The following CDIN1 variants were observed in gnomAD, a reference collection of about 807,000 sequenced individuals.
The protein encoded by CDIN1 is CDAN1 interacting nuclease 1, also known as CDAN1-interacting nuclease 1.
In CDIN1, 33 loss-of-function variants were observed where a neutral mutation model predicts 45.3. That is an observed-to-expected ratio of 0.73 (90% confidence interval 0.55 to 0.97). The LOEUF (loss-of-function observed/expected upper bound fraction) is 0.97, where lower values mean the gene tolerates loss of function less well. Ranked by LOEUF, CDIN1 falls within the 50% of genes least tolerant of loss-of-function variation. CDIN1 has a pLI of 0.00. For missense variants in CDIN1, 303 were observed against 339.4 expected, an observed-to-expected ratio of 0.89 and a Z score of 0.84; for synonymous variants, 118 against 124.4, an observed-to-expected ratio of 0.95 and a Z score of 0.34.
intron 5 of CDIN1, among the ~76,000 whole-genome samples, chr15:36,677,653 A>G (rs1336011856): frequency 2.0e-5 from 3 of 152,326 alleles, no homozygotes; most frequent in South Asian, 2.1e-4. Flanking sequence ...CAAGTGCCCA[A>G]TGATTGATAC....
In CDIN1 at chr15:36,725,704, A is replaced by G. The variant is rs1399694743; in HGVS notation, c.716+15743A>G. 3.9e-5 allele frequency among the ~76,000 whole-genome samples: 6 copies of G among 152,208 alleles called. No individual in the cohort carries two copies. The East Asian group carries it at 1.2e-3, about 29-fold the overall frequency. The stretch of plus-strand genomic sequence containing the variant: ...TCTGCCATTTATAAATTGATGTTCT[A>G]TGTTAGATTTATCTACTGTGAAGTG... On this transcript the variant is annotated intron_variant, in intron 10 of 10. Coordinates refer to ENST00000566621, the MANE Select transcript of CDIN1 (RefSeq NM_001321759.2).
chr15:36,644,382 C>A, intron 2 of CDIN1, 59 bp downstream of exon 2: 2 of 1,524,574 alleles, frequency 1.3e-6, no homozygotes, highest in South Asian at 2.3e-5. Flanking sequence ...ATGAATGTCC[C>A]TTTATTTCTT....
chr15:36,754,566 T>TA (rs5811936), intron 10 of CDIN1, among the ~76,000 whole-genome samples: 13,345 of 102,290 alleles, frequency 0.13, 903 homozygotes, highest in Non-Finnish European at 0.18. Context: ...TGGTCTCTCT[T>TA]AAAAAAAAAA....
intron 1 of CDIN1, among the ~76,000 whole-genome samples, chr15:36,601,060 G>C (rs1343079950): frequency 6.7e-6 from 1 of 149,622 alleles, no homozygotes; most frequent in Non-Finnish European, 1.5e-5. Flanking sequence ...CCAAGTAGGG[G>C]TATCAAAAAA....
intron 1 of CDIN1, chr15:36,618,499 C>A: frequency 8.1e-7 from 1 of 1,234,992 alleles, no homozygotes; most frequent in Non-Finnish European, 1.2e-6. Context: ...ATCAAAGCCT[C>A]CAACACCAAA....
chr15:36,596,067 AG>A (rs1263823403), intron 1 of CDIN1, among the ~76,000 whole-genome samples: 1 of 152,222 alleles, frequency 6.6e-6, no homozygotes, highest in African/African-American at 2.4e-5. Context: ...TACACAAAAA[AG>A]AGGGAAGACC....
rs1211691491 is a variant in CDIN1 at position 36,675,223 on chromosome 15, G to A, written c.347-16462G>A. On this transcript the variant is annotated intron_variant, in intron 5 of 10. Coordinates refer to ENST00000566621, the MANE Select transcript of CDIN1 (RefSeq NM_001321759.2). ...TTTTCTGCTAAAGTCAGCAAAAAAT[G>A]TAATTAAATGGTTCTTTTAATTTAC... is the stretch of plus-strand genomic sequence containing the variant. Among the ~76,000 whole-genome samples, 4 of 152,108 alleles carry A rather than the reference G, an allele frequency of 2.6e-5. No individual in the cohort carries two copies. In the East Asian group the frequency reaches 7.7e-4, roughly 29 times the overall value.
At chr15:36,746,281 G>A (rs1438509495) in intron 10 of CDIN1, among the ~76,000 whole-genome samples, 2 of 152,092 alleles carry the variant, frequency 1.3e-5, no homozygotes, top group Non-Finnish European at 2.9e-5. Flanking sequence ...AGTGGAAATA[G>A]TAGAGAGAAA....
intron 10 of CDIN1, among the ~76,000 whole-genome samples, chr15:36,723,659 G>A (rs937397776): frequency 6.6e-6 from 1 of 152,130 alleles, no homozygotes; most frequent in Admixed American, 6.6e-5. Context: ...TGAACTCCTG[G>A]TCTCAGGCGA....
rs530653255 is a variant in CDIN1, at chr15:36,583,362, C to G, written c.101+3401C>G. 3.3e-5 allele frequency among the ~76,000 whole-genome samples: 5 copies of G among 152,258 alleles called. No homozygotes were observed. In the East Asian group the frequency reaches 9.6e-4, roughly 29 times the overall value. ...TTCTCCAGCTTAATTTTTCCTCTTA[C>G]TGTGACTTCTGGGGTAGCCTCACTT... On this transcript the variant is annotated intron_variant, in intron 1 of 10. Transcript: ENST00000566621.
Position 36,619,083 on chromosome 15 carries a change from A to G in CDIN1, c.102-25195A>G, listed in dbSNP as rs573074189. 87 of 1,147,838 alleles carry G rather than the reference A, an allele frequency of 7.6e-5. No individual in the cohort carries two copies. The East Asian group carries it at 1.8e-3, about 24-fold the overall frequency. The allele number at this position is 1,147,838 out of a possible 1,614,324, so 71.1% of individuals were successfully genotyped here. A position where few individuals can be genotyped will look rare whatever the true frequency, so the allele number is the denominator to read the frequency against. ...AAGCTCCTTAGAAGTCCCTTGAGAA[A>G]CCAAATGAGAAGCCAGAAGCAAGGG... On this transcript the variant is annotated intron_variant, in intron 1 of 10. Transcript: ENST00000566621.
intron 10 of CDIN1, among the ~76,000 whole-genome samples, chr15:36,754,586 A>AG (rs1463469244): frequency 7.4e-5 from 11 of 149,514 alleles, no homozygotes; most frequent in African/African-American, 2.7e-4. Context: ...AAAAAAAAAA[A>AG]GGCCAAGTAA....
chr15:36,635,027 T>C (rs1464316875), intron 1 of CDIN1, among the ~76,000 whole-genome samples: 2 of 152,204 alleles, frequency 1.3e-5, no homozygotes, highest in African/African-American at 4.8e-5. Flanking sequence ...TTGACAGCTT[T>C]ATAGGGCTAG....
chr15:36,726,332 C>T (rs1368948652), intron 10 of CDIN1, among the ~76,000 whole-genome samples: 2 of 152,142 alleles, frequency 1.3e-5, no homozygotes, highest in African/African-American at 4.8e-5. Flanking sequence ...CATTACCACT[C>T]GGCTTCAGTT....
intron 10 of CDIN1, among the ~76,000 whole-genome samples, chr15:36,721,177 C>T (rs895562019): frequency 4.6e-5 from 7 of 152,062 alleles, no homozygotes; most frequent in Non-Finnish European, 8.8e-5. Context: ...GGTATTAGCC[C>T]TTTGTCAGAT....
At chr15:36,613,583 G>A in intron 1 of CDIN1, 1 of 1,479,010 alleles carries the variant, frequency 6.8e-7, no homozygotes, top group Non-Finnish European at 9.4e-7. Context: ...AGTTGAGGGA[G>A]AAAGGCGGGC....
rs148565574 is a variant in CDIN1 at position 36,747,890 on chromosome 15, G to A, written c.716+37929G>A. On this transcript the variant is annotated intron_variant, in intron 10 of 10. Coordinates refer to ENST00000566621, the MANE Select transcript of CDIN1 (RefSeq NM_001321759.2). ...CTGAGGATTTTTCACTCTGAGTCTT[G>A]TTCCCTTGCTGCTACATAACACTAC... Among the ~76,000 whole-genome samples the A allele has an allele frequency of 2.0e-3, 311 of 152,168 alleles. 1 individual carries two copies. The highest frequency in any genetic ancestry group is 3.6e-3 in the Non-Finnish European group (243 of 68,014).
At chr15:36,689,649 T>C (rs1452076116) in intron 5 of CDIN1, among the ~76,000 whole-genome samples, 2 of 152,176 alleles carry the variant, frequency 1.3e-5, no homozygotes, top group Non-Finnish European at 2.9e-5. Context: ...GCCTTAGAAT[T>C]AGGTTGGGAA....
chr15:36,758,919 T>A (rs543315621), intron 10 of CDIN1, among the ~76,000 whole-genome samples: 1 of 152,308 alleles, frequency 6.6e-6, no homozygotes, highest in South Asian at 2.1e-4. Context: ...AAGCAACAGT[T>A]CAGAAGGCTT....
Sources: gnomAD v4.1 joint callset for allele counts (sites outside exome capture counted in the v4.1 genomes callset) on GRCh38, gnomAD v4.1.1 for gene constraint, MANE v1.5 for transcripts, NCBI Gene and HGNC (gene_info 2026-07-23, HGNC 2026-07-21) for gene names.